C10orf143: variants seen among roughly 807,000 people sequenced by gnomAD.
C10orf143 encodes the protein uncharacterized protein C10orf143.
chr10:130,108,326 C>T (rs1188390873), intron 1 of C10orf143: 1 of 1,523,000 alleles, frequency 6.6e-7, no homozygotes, highest in Non-Finnish European at 9.1e-7. Context: ...TCCTCCTTAC[C>T]CTCCCCCAAG....
At chr10:130,060,822 CAAAAAAAAAA>C (rs11312813), downstream of C10orf143, among the ~76,000 whole-genome samples, 1 of 53,368 alleles carries the variant, frequency 1.9e-5, no homozygotes, top group South Asian at 7.0e-4. Context: ...GACTCCGTCT[CAAAAAAAAAA>C]AAAAAAAAAA....
At chr10:130,087,432 A>G (rs1002884880) in intron 1 of C10orf143, among the ~76,000 whole-genome samples, 8 of 152,212 alleles carry the variant, frequency 5.3e-5, no homozygotes, top group Admixed American at 4.6e-4. Context: ...TCATCAGAGA[A>G]AGGTGAAGCA....
At chr10:130,053,291 T>G (rs113050436) in intron 3 of C10orf143, among the ~76,000 whole-genome samples, 2,453 of 152,280 alleles carry the variant, frequency 0.016, 26 homozygotes, top group Non-Finnish European at 0.026. Context: ...GATCTCCTGA[T>G]ATATCACATG....
At chr10:130,064,501 T>C in intron 3 of C10orf143, 118 bp from the exon 4 acceptor site, 2 of 391,612 alleles carry the variant, frequency 5.1e-6, no homozygotes, top group Non-Finnish European at 9.0e-6. Context: ...TACTTGTAAG[T>C]GATAACTTAA....
At chr10:130,055,943 C>A (rs1860788914) in intron 3 of C10orf143, among the ~76,000 whole-genome samples, 1 of 98,276 alleles carries the variant, frequency 1.0e-5, no homozygotes, top group African/African-American at 3.9e-5. Context: ...AAGACTCCGT[C>A]TCCAAAAGTA....
chr10:130,107,076 CAAAG>C (rs755866914), intron 1 of C10orf143: 118 of 1,558,194 alleles, frequency 7.6e-5, no homozygotes, highest in Non-Finnish European at 1.0e-4. Flanking sequence ...ATTGATAAAA[CAAAG>C]GAAGAGCTTA....
At chr10:130,110,574 C>G (rs1439626288) in intron 1 of C10orf143, 130 bp downstream of exon 1, 10 of 397,100 alleles carry the variant, frequency 2.5e-5, no homozygotes, top group Non-Finnish European at 4.4e-5. Context: ...GGGACGTACG[C>G]GAGCGTGCGA....
intron 1 of C10orf143, among the ~76,000 whole-genome samples, chr10:130,086,241 A>ACC (rs898113510): frequency 6.6e-6 from 1 of 151,830 alleles, no homozygotes; most frequent in African/African-American, 2.4e-5. Flanking sequence ...CTCCCCTGCA[A>ACC]CCCCCTCAGC....
At chr10:130,091,007 C>T (rs145194537) in intron 1 of C10orf143, among the ~76,000 whole-genome samples, 305 of 152,326 alleles carry the variant, frequency 2.0e-3, no homozygotes, top group Non-Finnish European at 3.0e-3. Flanking sequence ...CAGACTTAAA[C>T]GTTCCTGCCT....
rs538648604 is a variant in C10orf143, at chr10:130,095,881, G to A, written c.69+14823C>T. Reference sequence around the variant, plus strand: ...GCAATACCATTCAGGACACAGGCATGGACAAAGACTTCATGACTAAAACAC... The same window carrying A: ...GCAATACCATTCAGGACACAGGCATAGACAAAGACTTCATGACTAAAACAC... On this transcript the variant is annotated intron_variant, in intron 1 of 3. Coordinates refer to ENST00000637128, the MANE Select transcript of C10orf143 (RefSeq NM_001355042.2). 2.6e-5 allele frequency among the ~76,000 whole-genome samples: 4 copies of A among 152,264 alleles called. No homozygotes were observed. In the South Asian group the frequency reaches 8.3e-4, roughly 32 times the overall value.
At chr10:130,090,133 A>G (rs1192778698) in intron 1 of C10orf143, among the ~76,000 whole-genome samples, 1 of 152,206 alleles carries the variant, frequency 6.6e-6, no homozygotes, top group Non-Finnish European at 1.5e-5. Flanking sequence ...AAGATGGCCA[A>G]ATAGGAACAG....
At chr10:130,077,751 A>T (rs889939722) in intron 3 of C10orf143, among the ~76,000 whole-genome samples, 5 of 152,250 alleles carry the variant, frequency 3.3e-5, no homozygotes, top group Admixed American at 6.5e-5. Context: ...TAATACAAAA[A>T]TAGTGTCTTA....
chr10:130,037,535 G>A (rs1368472233), intron 3 of C10orf143, among the ~76,000 whole-genome samples: 2 of 152,170 alleles, frequency 1.3e-5, no homozygotes, highest in Non-Finnish European at 2.9e-5. Context: ...GCCACCCACC[G>A]AGGGAGGTGC....
intron 1 of C10orf143, among the ~76,000 whole-genome samples, chr10:130,103,649 A>T (rs766084998): frequency 4.6e-5 from 7 of 151,996 alleles, no homozygotes; most frequent in Non-Finnish European, 1.0e-4. Context: ...TCTACAAAAA[A>T]GTTTTAAAAA....
intron 3 of C10orf143, among the ~76,000 whole-genome samples, chr10:130,045,389 A>G (rs1399443952): frequency 6.6e-6 from 1 of 152,202 alleles, no homozygotes; most frequent in African/African-American, 2.4e-5. Context: ...ACAGGCGTCA[A>G]ATGTCTTCGG....
At chr10:130,086,967 A>T (rs1861300613) in intron 1 of C10orf143, among the ~76,000 whole-genome samples, 1 of 152,234 alleles carries the variant, frequency 6.6e-6, no homozygotes, top group South Asian at 2.1e-4. Context: ...AGGGGGCTGA[A>T]GGGCCAGGGT....
At chr10:130,037,717 C>A (rs759468414) in intron 3 of C10orf143, among the ~76,000 whole-genome samples, 1 of 152,212 alleles carries the variant, frequency 6.6e-6, no homozygotes, top group African/African-American at 2.4e-5. Context: ...CAGACCCATA[C>A]GTGACAACTG....
intron 3 of C10orf143, among the ~76,000 whole-genome samples, chr10:130,043,960 T>C (rs1270666711): frequency 6.6e-6 from 1 of 150,912 alleles, no homozygotes; most frequent in African/African-American, 2.4e-5. Flanking sequence ...CCTGGGCACC[T>C]GGACAGTGCC....
chr10:130,038,382 T>C (rs1256575858), intron 3 of C10orf143, among the ~76,000 whole-genome samples: 2 of 152,178 alleles, frequency 1.3e-5, no homozygotes, highest in East Asian at 1.9e-4. Context: ...CACCCCAGCC[T>C]GTGGCTCCCT....
Sources: gnomAD v4.1 joint callset for allele counts (sites outside exome capture counted in the v4.1 genomes callset) on GRCh38, gnomAD v4.1.1 for gene constraint, MANE v1.5 for transcripts, NCBI Gene and HGNC (gene_info 2026-07-23, HGNC 2026-07-21) for gene names.